UTP25: variants seen among roughly 807,000 people sequenced by gnomAD.
The protein encoded by UTP25 is U3 small nucleolar RNA-associated protein 25 homolog.
UTP25 carries 50 observed loss-of-function variants against 78.9 expected under a neutral mutation model. The ratio of observed to expected loss-of-function variants is 0.63; its 90% CI spans 0.50 to 0.80. UTP25 has a LOEUF of 0.80. Ranked by LOEUF, UTP25 falls within the 30% of genes least tolerant of loss-of-function variation. The pLI, the probability that UTP25 is intolerant of heterozygous loss-of-function variation, is 0.00. For synonymous variants in UTP25, 329 were observed against 336.5 expected (o/e 0.98, Z 0.24); for missense variants, 846 against 911.3 (o/e 0.93, Z 0.92).
In UTP25 at chr1:209,842,602, C is replaced by G. The variant is rs761706960; in HGVS notation, c.1688C>G (p.Pro563Arg). The G allele has an allele frequency of 6.2e-7, 1 of 1,613,878 alleles. No homozygotes were observed. Among genetic ancestry groups the G allele is most frequent in the East Asian group, 2.2e-5 (1 of 44,862 alleles). Residue 563 changes from proline to arginine, a missense_variant, in exon 10 of 12, where the codon CCA becomes CGA. Physicochemically the swap from Pro to Arg is moderately radical, Grantham distance 103. Coordinates refer to ENST00000491415, the MANE Select transcript of UTP25 (RefSeq NM_014388.7). ...MQGQVAVRNV[P>R]MTGSISHVLV... Reference sequence around the variant, plus strand: ...TGGCAGGTGGCCGTGAGGAATGTCCCAATGACAGGCTCTATCAGTCATGTC... The same window carrying G: ...TGGCAGGTGGCCGTGAGGAATGTCCGAATGACAGGCTCTATCAGTCATGTC...
At chr1:209,846,082 T>C (rs767646320) in intron 11 of UTP25, among the ~76,000 whole-genome samples, 19 of 152,118 alleles carry the variant, frequency 1.2e-4, no homozygotes, top group Non-Finnish European at 2.2e-4. Context: ...CTTGAACTCC[T>C]GGCCTCATGT....
chr1:209,829,020 C>T (rs1443769385), intron 1 of UTP25, among the ~76,000 whole-genome samples: 2 of 151,972 alleles, frequency 1.3e-5, no homozygotes, highest in Admixed American at 6.6e-5. Context: ...GTGATCTGCC[C>T]GCCTTGGCCT....
At position 209,842,280 on chromosome 1, in the gene UTP25, A is replaced by G. The variant is rs1363354931; in HGVS notation, c.1501A>G (p.Met501Val). The G allele has an allele frequency of 6.8e-6, 11 of 1,613,634 alleles. No individual in the cohort carries two copies. The Admixed American group carries it at 1.2e-4, about 17-fold the overall frequency. ...WEHVLHLMNH[M>V]NLLPLDSHGV... Reference sequence around the variant, plus strand: ...CCACTCAAAGCATTTGATGAATCACATGAACCTACTACCCCTGGACTCACA... The same window carrying G: ...CCACTCAAAGCATTTGATGAATCACGTGAACCTACTACCCCTGGACTCACA... Residue 501 changes from methionine (M) to valine (V), a missense_variant, in exon 9 of 12, where the codon ATG becomes GTG. Transcript: ENST00000491415.
Position 209,829,685 on chromosome 1 carries a change from T to C in UTP25, c.108-423T>C, listed in dbSNP as rs561926912. On this transcript the variant is annotated intron_variant, in intron 1 of 11. Transcript: ENST00000491415. ...TTTTTTTGTAGAGACAGGGTCTCCG[T>C]ATGTTACCCAGGTTGGTCTCAAACT... Among the ~76,000 whole-genome samples, 27 of 152,008 alleles carry C rather than the reference T, an allele frequency of 1.8e-4. No individual in the cohort carries two copies. The South Asian group carries it at 5.6e-3, about 32-fold the overall frequency.
rs571163688 is a variant in UTP25, at chr1:209,839,037, A to G, written c.1191A>G (p.Gly397=). 17 of 1,614,108 alleles carry G rather than the reference A, an allele frequency of 1.1e-5. No homozygotes were observed. The South Asian group carries it at 1.9e-4, about 18-fold the overall frequency. Residue 397 remains glycine (G), a synonymous_variant, in exon 7 of 12, where the codon GGA becomes GGG. Transcript: ENST00000491415. The part of the protein sequence containing the change: ...SNKKRFQGEY[G]SDPEERPPNL... ...AAAAGAGGTTTCAGGGAGAATATGG[A>G]TCAGATCCCGAGGAGAGACCACCCA...
In UTP25 at chr1:209,836,996, T is replaced by C. The variant is rs534836260; in HGVS notation, c.847T>C (p.Phe283Leu). The change falls in exon 6 of 12, where the codon TTC (phenylalanine) becomes CTC (leucine). Residue 283 changes from phenylalanine to leucine, a missense_variant. Phe to Leu is a conservative substitution (Grantham distance 22). Transcript: ENST00000491415. Reference protein sequence around the residue: ...SPFTPLQKELFLIMNSYRDLF... With the variant: ...SPFTPLQKELLLIMNSYRDLF... ...ATTCACCCCCCTCCAGAAAGAACTCTTCTTAATTATGAATTCTTACCGGGA... is the reference window on the plus strand; with the variant it reads ...ATTCACCCCCCTCCAGAAAGAACTCCTCTTAATTATGAATTCTTACCGGGA... 1.9e-6 allele frequency: 3 copies of C among 1,614,154 alleles called. No individual in the cohort carries two copies. The highest frequency in any genetic ancestry group is 4.5e-5 in the East Asian group (2 of 44,886).
chr1:209,842,693 C>G lies in UTP25; in HGVS notation c.1779C>G (p.Ala593=), dbSNP rs372711963. ...EAENLASVID[A]RFNFFVNKIL... ...AAAACCTAGCTTCAGTGATTGATGC[C>G]AGGTAACCCACTCCTCCCAGCAGGC... Residue 593 remains alanine, a splice_region_variant and synonymous_variant, in exon 10 of 12, where the codon GCC becomes GCG. Coordinates refer to ENST00000491415, the MANE Select transcript of UTP25 (RefSeq NM_014388.7). 2 of 1,607,838 alleles carry G rather than the reference C, an allele frequency of 1.2e-6. No homozygotes were observed. The highest frequency in any genetic ancestry group is 1.7e-6 in the Non-Finnish European group (2 of 1,176,862).
At chr1:209,843,779 C>G in intron 11 of UTP25, 83 bp downstream of exon 11, 1 of 1,517,090 alleles carries the variant, frequency 6.6e-7, no homozygotes, top group South Asian at 1.3e-5. Flanking sequence ...GCATGGCAGG[C>G]TTCGTGGTGT....
Position 209,855,392 on chromosome 1 carries a change from G to C in UTP25, c.*3945G>C, listed in dbSNP as rs2078268506. On this transcript the variant is annotated 3_prime_UTR_variant, in exon 12 of 12. Coordinates refer to ENST00000491415, the MANE Select transcript of UTP25 (RefSeq NM_014388.7). ...GGTCCTAGGCTCCCCTTACACCTCT[G>C]GTCACGTTGCCATTATTCCTATGGT... 6.6e-6 allele frequency: 1 copy of C among 152,142 alleles called. No homozygotes were observed. The highest frequency in any genetic ancestry group is 1.5e-5 in the Non-Finnish European group (1 of 68,058). The allele number at this position is 152,142 out of a possible 1,614,324, so 9.4% of individuals were successfully genotyped here.
intron 10 of UTP25, chr1:209,842,997 C>G (rs2078176132): frequency 2.7e-6 from 1 of 368,336 alleles, no homozygotes; most frequent in Non-Finnish European, 4.9e-6. Flanking sequence ...CTCATGTCAG[C>G]AAGTTAATTG....
At position 209,851,732 on chromosome 1, in the gene UTP25, A is replaced by G; in HGVS notation, c.*285A>G. ...CCACTTGTGAATATTTTTGTGAGAC[A>G]TAAATTCTTTTATTACGATTTACCT... On this transcript the variant is annotated 3_prime_UTR_variant, in exon 12 of 12. Coordinates refer to ENST00000491415, the MANE Select transcript of UTP25 (RefSeq NM_014388.7). 3.6e-6 allele frequency: 1 copy of G among 274,502 alleles called. No individual in the cohort carries two copies. The highest frequency in any genetic ancestry group is 6.8e-6 in the Non-Finnish European group (1 of 146,034). 17.0% of individuals were successfully genotyped at this position (274,502 alleles called of 1,614,324 possible). A position where few individuals can be genotyped will look rare whatever the true frequency, so the allele number is the denominator to read the frequency against.
chr1:209,838,311 T>C (rs573512311), intron 6 of UTP25, among the ~76,000 whole-genome samples: 55 of 152,364 alleles, frequency 3.6e-4, no homozygotes, highest in African/African-American at 1.2e-3. Flanking sequence ...TAACTTTAAA[T>C]ATTTTTGAAT....
intron 7 of UTP25, among the ~76,000 whole-genome samples, chr1:209,840,498 C>T (rs2078160696): frequency 6.6e-6 from 1 of 152,166 alleles, no homozygotes; most frequent in Non-Finnish European, 1.5e-5. Flanking sequence ...CTGTTGGTGA[C>T]TGAGGACTGT....
chr1:209,833,349 G>A lies in UTP25; in HGVS notation c.553G>A (p.Ala185Thr), dbSNP rs767845668. The A allele has an allele frequency of 6.4e-7, 1 of 1,571,352 alleles. No homozygotes were observed. The highest frequency in any genetic ancestry group is 1.2e-5 in the South Asian group (1 of 83,238). Residue 185 changes from alanine to threonine, a missense_variant, in exon 4 of 12, where the codon GCC becomes ACC. Transcript: ENST00000491415. The stretch of plus-strand genomic sequence containing the variant: ...AAGTGGAGACAACTCTTCTTTGAAA[G>A]CCTCTCAAGGTCATAGCACAGTGTG... The part of the protein sequence containing the change: ...EESGDNSSLK[A>T]SQDPFLQHVN...
chr1:209,833,773 C>A (rs552311196), intron 4 of UTP25, among the ~76,000 whole-genome samples: 1 of 152,236 alleles, frequency 6.6e-6, no homozygotes, highest in East Asian at 1.9e-4. Context: ...TCTTTATTAC[C>A]AGGGAGACCC....
chr1:209,833,441 G>A, intron 4 of UTP25, 83 bp downstream of exon 4: 1 of 1,212,638 alleles, frequency 8.2e-7, no homozygotes, highest in South Asian at 1.9e-5. Context: ...ATCTATTATT[G>A]GAACAAACAG....
At chr1:209,828,202 G>T (rs749479187) in intron 1 of UTP25, 32 bp downstream of exon 1, 33 of 1,534,880 alleles carry the variant, frequency 2.2e-5, no homozygotes, top group Admixed American at 3.3e-5. Context: ...CTCCCCAGTC[G>T]CCAGAGATGT....
At chr1:209,837,821 A>T (rs1446293906) in intron 6 of UTP25, among the ~76,000 whole-genome samples, 1 of 152,228 alleles carries the variant, frequency 6.6e-6, no homozygotes, top group African/African-American at 2.4e-5. Context: ...AATTTTATCT[A>T]CATTATTCAT....
chr1:209,842,461 T>C lies in UTP25; in HGVS notation c.1668+14T>C. ...ATGCAAGGCCAGGTGGGTTCTCGTC[T>C]TGTTTCCTCAGTATCTTCATGAGCA... On this transcript the variant is annotated intron_variant, in intron 9 of 11. Coordinates refer to ENST00000491415, the MANE Select transcript of UTP25 (RefSeq NM_014388.7). The C allele has an allele frequency of 1.2e-6, 2 of 1,614,146 alleles. No individual in the cohort carries two copies. Among genetic ancestry groups the C allele is most frequent in the South Asian group, 2.2e-5 (2 of 91,076 alleles).
Sources: gnomAD v4.1 joint callset for allele counts (sites outside exome capture counted in the v4.1 genomes callset) on GRCh38, gnomAD v4.1.1 for gene constraint, MANE v1.5 for transcripts, NCBI Gene and HGNC (gene_info 2026-07-23, HGNC 2026-07-21) for gene names.